The following GOLGA4 variants were observed in gnomAD, a reference collection of about 807,000 sequenced individuals.
The protein encoded by GOLGA4 is golgin subfamily A member 4.
Under a neutral mutation model 265.9 loss-of-function variants are expected in GOLGA4, and 169 were observed. The observed-to-expected ratio is 0.64, with a 90% CI of 0.56 to 0.72. The LOEUF (loss-of-function observed/expected upper bound fraction) is 0.72, where lower values mean the gene tolerates loss of function less well. Ranked by LOEUF, GOLGA4 falls within the 30% of genes least tolerant of loss-of-function variation. The pLI, the probability that GOLGA4 is intolerant of heterozygous loss-of-function variation, is 0.00. For missense variants in GOLGA4, 2,482 were observed against 2,483.4 expected, an observed-to-expected ratio of 1.00 and a Z score of 0.01; for synonymous variants, 923 against 855.8, an observed-to-expected ratio of 1.08 and a Z score of -1.37.
intron 2 of GOLGA4, among the ~76,000 whole-genome samples, chr3:37,259,915 A>C (rs1435191247): frequency 6.6e-6 from 1 of 152,200 alleles, no homozygotes; most frequent in Non-Finnish European, 1.5e-5. Context: ...TATATAGACA[A>C]AATAGAGCCT....
At position 37,325,944 on chromosome 3, in the gene GOLGA4, A is replaced by C; in HGVS notation, c.4058A>C (p.Asn1353Thr). The C allele has an allele frequency of 1.2e-6, 2 of 1,611,900 alleles. No homozygotes were observed. The highest frequency in any genetic ancestry group is 1.7e-6 in the Non-Finnish European group (2 of 1,178,322). ...QLKKELSENI[N>T]AVTLMKEELK... ...AAGAAAGAGTTATCTGAAAACATCA[A>C]TGCTGTCACATTGATGAAAGAAGAG... is the stretch of plus-strand genomic sequence containing the variant. The change falls in exon 14 of 24, where the codon AAT becomes ACT. Residue 1353 changes from asparagine (N) to threonine (T), a missense_variant. Transcript: ENST00000361924.
intron 10 of GOLGA4, among the ~76,000 whole-genome samples, chr3:37,305,901 A>G (rs978877919): frequency 1.3e-5 from 2 of 152,170 alleles, no homozygotes; most frequent in Non-Finnish European, 2.9e-5. Context: ...AACGTTCCCC[A>G]CTACTTTTCT....
intron 3 of GOLGA4, among the ~76,000 whole-genome samples, chr3:37,284,041 C>T (rs1161560650): frequency 6.6e-6 from 1 of 152,082 alleles, no homozygotes; most frequent in Non-Finnish European, 1.5e-5. Context: ...CAGAGTCAGG[C>T]AGCTTATCGG....
chr3:37,279,305 C>G (rs537810906), intron 2 of GOLGA4, among the ~76,000 whole-genome samples: 35 of 152,316 alleles, frequency 2.3e-4, no homozygotes, highest in African/African-American at 8.4e-4. Context: ...TGGAAAACTT[C>G]ACACCTCACC....
In GOLGA4 at chr3:37,326,041, T is replaced by C; in HGVS notation, c.4155T>C (p.Asn1385=). 22 of 1,613,390 alleles carry C rather than the reference T, an allele frequency of 1.4e-5. No homozygotes were observed. The highest frequency in any genetic ancestry group is 1.9e-5 in the Non-Finnish European group (22 of 1,179,438). ...CTGATTTGAATGTTCAGCTTCAAAA[T>C]AGCATCAGCCTATCCGAAAAAGAAG... ...QLTDLNVQLQ[N]SISLSEKEAA... is the part of the protein sequence containing the mutation. Residue 1385 remains asparagine, a synonymous_variant, in exon 14 of 24, where the codon AAT becomes AAC. Coordinates refer to ENST00000361924, the MANE Select transcript of GOLGA4 (RefSeq NM_002078.5).
At chr3:37,295,885 C>G (rs1048354679) in intron 6 of GOLGA4, among the ~76,000 whole-genome samples, 1 of 152,076 alleles carries the variant, frequency 6.6e-6, no homozygotes, top group African/African-American at 2.4e-5. Flanking sequence ...TTTATGTAAT[C>G]TAGGGATGAT....
chr3:37,299,055 C>A, intron 8 of GOLGA4, 35 bp downstream of exon 8: 1 of 1,494,790 alleles, frequency 6.7e-7, no homozygotes, highest in Non-Finnish European at 9.1e-7. Context: ...CTAATTTAAT[C>A]TATAAAGTTA....
At chr3:37,336,509 C>G (rs780796214) in intron 17 of GOLGA4, among the ~76,000 whole-genome samples, 7 of 151,892 alleles carry the variant, frequency 4.6e-5, no homozygotes, top group South Asian at 4.2e-4. Flanking sequence ...GCCTGTAATC[C>G]CAGCACTTTG....
Position 37,306,509 on chromosome 3 carries a change from G to C in GOLGA4, c.1234+4177G>C, listed in dbSNP as rs898379397. Among the ~76,000 whole-genome samples, 208 of 148,082 alleles carry C rather than the reference G, an allele frequency of 1.4e-3. 1 individual carries two copies. Among genetic ancestry groups the C allele is most frequent in the Middle Eastern group, 3.5e-3 (1 of 288 alleles). On this transcript the variant is annotated intron_variant, in intron 10 of 23. Coordinates refer to ENST00000361924, the MANE Select transcript of GOLGA4 (RefSeq NM_002078.5). ...TAGTTCTTGGCTGTTCTCTGTGTGT[G>C]TGTGTGTGTGTGTGTGTGTGTGTGT...
intron 10 of GOLGA4, among the ~76,000 whole-genome samples, chr3:37,314,636 G>T (rs1041430589): frequency 1.2e-5 from 1 of 84,070 alleles, no homozygotes; most frequent in Non-Finnish European, 2.5e-5. Context: ...GCAAGACTCC[G>T]TCTCAAACAC....
rs2096976729 is a variant in GOLGA4, at chr3:37,327,794, G to C, written c.5908G>C (p.Glu1970Gln). Reference protein sequence around the residue: ...HQQELEILKKEYDQEREEKIK... With the variant: ...HQQELEILKKQYDQEREEKIK... Reference sequence around the variant, plus strand: ...GCAAGAATTGGAAATACTAAAGAAAGAATATGATCAAGAAAGGGAAGAGAA... The same window carrying C: ...GCAAGAATTGGAAATACTAAAGAAACAATATGATCAAGAAAGGGAAGAGAA... The change falls in exon 14 of 24, where the codon GAA becomes CAA. Residue 1970 changes from glutamate to glutamine, a missense_variant. Physicochemically the swap from Glu to Gln is conservative, Grantham distance 29 (BLOSUM62 2). Around this residue, in one of 3 missense-constraint regions of GOLGA4, gnomAD observed 942 missense variants for 983.1 expected, o/e 0.96. Coordinates refer to ENST00000361924, the MANE Select transcript of GOLGA4 (RefSeq NM_002078.5). 1 of 1,608,470 alleles carries C rather than the reference G, an allele frequency of 6.2e-7. No homozygotes were observed. The highest frequency in any genetic ancestry group is 8.5e-7 in the Non-Finnish European group (1 of 1,176,292).
intron 20 of GOLGA4, among the ~76,000 whole-genome samples, chr3:37,346,317 C>A (rs2151037059): frequency 6.6e-6 from 1 of 152,152 alleles, no homozygotes; most frequent in Non-Finnish European, 1.5e-5. Flanking sequence ...TCTGTTGTTT[C>A]CCAGTAGTAA....
intron 2 of GOLGA4, among the ~76,000 whole-genome samples, chr3:37,259,855 C>T (rs2096764499): frequency 6.6e-6 from 1 of 152,052 alleles, no homozygotes; most frequent in African/African-American, 2.4e-5. Context: ...GATACCTTGT[C>T]CTTTTATGCT....
chr3:37,323,721 A>G lies in GOLGA4; in HGVS notation c.1835A>G (p.His612Arg), dbSNP rs372745457. ...GAGATTACAGTCATGGTTGAAAAAC[A>G]CAAGACAGAATTGGAAAGCCTTAAG... ...NKEITVMVEK[H>R]KTELESLKHQ... Residue 612 changes from histidine to arginine, a missense_variant, in exon 14 of 24, where the codon CAC (histidine) becomes CGC (arginine). Physicochemically the swap from His to Arg is conservative, Grantham distance 29. Around this residue, in one of 3 missense-constraint regions of GOLGA4, gnomAD observed 1,536 missense variants for 1,483.7 expected, o/e 1.04. Transcript: ENST00000361924. 5 of 1,613,808 alleles carry G rather than the reference A, an allele frequency of 3.1e-6. No homozygotes were observed. The highest frequency in any genetic ancestry group is 4.2e-6 in the Non-Finnish European group (5 of 1,179,964).
Position 37,326,939 on chromosome 3 carries a change from G to C in GOLGA4, c.5053G>C (p.Glu1685Gln). 1 of 1,613,928 alleles carries C rather than the reference G, an allele frequency of 6.2e-7. No individual in the cohort carries two copies. Among genetic ancestry groups the C allele is most frequent in the Non-Finnish European group, 8.5e-7 (1 of 1,179,852 alleles). ...GCTAAATACAAAATTGCAGGAAAGA[G>C]AAAGGGAAGTTCACATCTTGGAAGA... ...SELNTKLQER[E>Q]REVHILEEKL... Residue 1685 changes from glutamate (E) to glutamine (Q), a missense_variant, in exon 14 of 24, where the codon GAA (glutamate) becomes CAA (glutamine). Physicochemically the swap from Glu to Gln is conservative, Grantham distance 29 (BLOSUM62 2). This residue lies in a region of GOLGA4 where 942 missense variants were observed against 983.1 expected (regional missense o/e 0.96). Transcript: ENST00000361924.
At chr3:37,288,032 C>G (rs1378458623) in intron 4 of GOLGA4, among the ~76,000 whole-genome samples, 3 of 151,958 alleles carry the variant, frequency 2.0e-5, no homozygotes, top group Non-Finnish European at 4.4e-5. Context: ...GAGAAAAGTA[C>G]CTTCCTTACC....
At chr3:37,292,841 G>C (rs1471405774) in intron 5 of GOLGA4, among the ~76,000 whole-genome samples, 1 of 152,134 alleles carries the variant, frequency 6.6e-6, no homozygotes, top group Non-Finnish European at 1.5e-5. Context: ...ACATTATTTA[G>C]GGCATGACCA....
intron 2 of GOLGA4, among the ~76,000 whole-genome samples, chr3:37,259,494 C>T (rs1426071858): frequency 6.6e-6 from 1 of 152,194 alleles, no homozygotes; most frequent in East Asian, 1.9e-4. Context: ...CTTTGTAATC[C>T]TTTTCTGCAC....
chr3:37,318,986 A>T, intron 11 of GOLGA4, 77 bp from the exon 12 acceptor site: 1 of 969,030 alleles, frequency 1.0e-6, no homozygotes, highest in South Asian at 2.1e-5. Context: ...TGAGTAAATT[A>T]TAATAGTATT....
Sources: allele counts gnomAD v4.1 joint callset (sites outside exome capture counted in the v4.1 genomes callset), GRCh38; gene constraint gnomAD v4.1.1; regional missense constraint gnomAD v4.1.1; transcripts MANE v1.5; gene names NCBI Gene and HGNC (gene_info 2026-07-23, HGNC 2026-07-21).